Variants in FCRL4 observed in about 807,000 individuals in gnomAD.
FCRL4 encodes Fc receptor like 4.
Under a neutral mutation model 64.1 loss-of-function variants are expected in FCRL4, and 43 were observed. The observed-to-expected ratio is 0.67, with a 90% confidence interval of 0.53 to 0.87. The LOEUF (loss-of-function observed/expected upper bound fraction) is 0.87, where lower values mean the gene tolerates loss of function less well. Among genes scored for constraint, FCRL4 ranks in the 40% least tolerant of loss-of-function variants. The pLI, the probability that FCRL4 is intolerant of heterozygous loss-of-function variation, is 0.00. For synonymous variants in FCRL4, 253 were observed against 239.8 expected, an observed-to-expected ratio of 1.05 and a Z score of -0.51; for missense variants, 656 against 613.5, an observed-to-expected ratio of 1.07 and a Z score of -0.73.
intron 6 of FCRL4, among the ~76,000 whole-genome samples, chr1:157,585,850 A>G (rs1020295830): frequency 6.6e-6 from 1 of 152,172 alleles, no homozygotes; most frequent in Admixed American, 6.5e-5. Flanking sequence ...GTAGGGTGAC[A>G]GAGCTGTGCC....
Position 157,587,911 on chromosome 1 carries a change from G to A in FCRL4, c.516C>T (p.Asp172=), listed in dbSNP as rs2777962. The A allele has an allele frequency of 0.44, 701,865 of 1,605,306 alleles. 156,751 individuals carry two copies. Among genetic ancestry groups the A allele is most frequent in the East Asian group, 0.68 (30,609 of 44,754 alleles). The change falls in exon 4 of 12, where the codon GAC becomes GAT. Residue 172 remains aspartate (D), a synonymous_variant. Coordinates refer to ENST00000271532, the MANE Select transcript of FCRL4 (RefSeq NM_031282.3). The stretch of plus-strand genomic sequence containing the variant: ...AATTTGATCTAAATACATCATTCTC[G>A]TCTCCATATCCAATGCATCGATAAT... ...NGNYRCIGYG[D]ENDVFRSNFK...
At chr1:157,583,360 C>A (rs972228667) in intron 6 of FCRL4, among the ~76,000 whole-genome samples, 1 of 152,142 alleles carries the variant, frequency 6.6e-6, no homozygotes, top group Non-Finnish European at 1.5e-5. Context: ...AGCCCTACCC[C>A]AGACATCCTC....
At chr1:157,593,613 A>T (rs145803975) in intron 2 of FCRL4, among the ~76,000 whole-genome samples, 2,118 of 152,038 alleles carry the variant, frequency 0.014, 22 homozygotes, top group Admixed American at 0.023. Flanking sequence ...TTCCTTTCTG[A>T]CTTTGCAGCT....
rs1652357919 is a variant in FCRL4 at position 157,574,568 on chromosome 1, A to G, written c.*956T>C. The G allele has an allele frequency of 4.8e-6, 1 of 207,328 alleles. No homozygotes were observed. The highest frequency in any genetic ancestry group is 9.8e-6 in the Non-Finnish European group (1 of 101,768). 12.8% of individuals were successfully genotyped at this position (207,328 alleles called of 1,614,324 possible). A position where few individuals can be genotyped will look rare whatever the true frequency, so the allele number is the denominator to read the frequency against. On this transcript the variant is annotated 3_prime_UTR_variant, in exon 12 of 12. Transcript: ENST00000271532. The stretch of plus-strand genomic sequence containing the variant: ...TTATTGCAAGAATTATTCTCATATA[A>G]ACTAATTAGTAACTCAAAGACACAG...
chr1:157,578,675 C>T (rs1333200714), intron 9 of FCRL4, 95 bp downstream of exon 9: 5 of 1,428,366 alleles, frequency 3.5e-6, no homozygotes, highest in Non-Finnish European at 3.9e-6. Context: ...GGATTTGGGA[C>T]ACTTTAGGGA....
At chr1:157,578,740 A>G in intron 9 of FCRL4, 30 bp downstream of exon 9, 4 of 1,606,018 alleles carry the variant, frequency 2.5e-6, no homozygotes, top group South Asian at 2.2e-5. Flanking sequence ...GGCTGAGGCC[A>G]GGAACAGCTT....
chr1:157,589,782 A>C (rs758485185), intron 2 of FCRL4, among the ~76,000 whole-genome samples: 75 of 151,984 alleles, frequency 4.9e-4, no homozygotes, highest in Non-Finnish European at 9.7e-4. Context: ...TGGAAATTGC[A>C]TTTCTCCTAG....
chr1:157,580,717 C>T (rs2101676778), intron 7 of FCRL4, among the ~76,000 whole-genome samples: 1 of 152,284 alleles, frequency 6.6e-6, no homozygotes, highest in Non-Finnish European at 1.5e-5. Flanking sequence ...CTGACTCAGC[C>T]CCACTAAGGA....
chr1:157,582,091 A>G (rs553652337), intron 6 of FCRL4, among the ~76,000 whole-genome samples: 76 of 152,312 alleles, frequency 5.0e-4, no homozygotes, highest in African/African-American at 1.8e-3. Context: ...TTGGGACACC[A>G]CGATGAAATG....
chr1:157,576,332 C>A (rs1652414670), intron 10 of FCRL4, among the ~76,000 whole-genome samples: 1 of 152,166 alleles, frequency 6.6e-6, no homozygotes, highest in Non-Finnish European at 1.5e-5. Flanking sequence ...AACAGATACA[C>A]TCTGGGGCAC....
chr1:157,595,736 A>G (rs1652947182), intron 2 of FCRL4, among the ~76,000 whole-genome samples: 3 of 152,252 alleles, frequency 2.0e-5, no homozygotes, highest in African/African-American at 7.2e-5. Flanking sequence ...AAGGGGGCCA[A>G]GGCCCTTGCT....
At chr1:157,577,133 A>G (rs1354354144) in intron 10 of FCRL4, among the ~76,000 whole-genome samples, 2 of 152,198 alleles carry the variant, frequency 1.3e-5, no homozygotes, top group Non-Finnish European at 2.9e-5. Context: ...TGTCTTTAGA[A>G]AGATGGATCA....
chr1:157,579,699 AATACATACATACATAC>A (rs71084243), intron 8 of FCRL4, among the ~76,000 whole-genome samples: 10,490 of 123,572 alleles, frequency 0.085, 1,232 homozygotes, highest in African/African-American at 0.32. Context: ...CCTGGGTGAC[AATACATACATACATAC>A]ATACATACAT....
At position 157,585,344 on chromosome 1, in the gene FCRL4, C is replaced by CTCTCTT. The variant is rs1386601138; in HGVS notation, c.1135+823_1135+824insAAGAGA. Among the ~76,000 whole-genome samples, 226 of 81,286 alleles carry CTCTCTT rather than the reference C, an allele frequency of 2.8e-3. 1 individual carries two copies. The highest frequency in any genetic ancestry group is 7.0e-3 in the African/African-American group (159 of 22,754). 53.3% of individuals were successfully genotyped at this position (81,286 alleles called of 152,430 possible). A position where few individuals can be genotyped will look rare whatever the true frequency, so the allele number is the denominator to read the frequency against. On this transcript the variant is annotated intron_variant, in intron 6 of 11. Transcript: ENST00000271532. ...CTTCCTTCTCTCTTTCTTTCTCTCT[C>CTCTCTT]TCTTTCTTTCTTTCTTTCTTTCTTT... is the stretch of plus-strand genomic sequence containing the variant.
In FCRL4 at chr1:157,587,423, C is replaced by T. The variant is rs368741960; in HGVS notation, c.700G>A (p.Glu234Lys). 34 of 1,614,090 alleles carry T rather than the reference C, an allele frequency of 2.1e-5. No homozygotes were observed. The highest frequency in any genetic ancestry group is 1.6e-4 in the Middle Eastern group (1 of 6,084). Residue 234 changes from glutamate to lysine, a missense_variant, in exon 5 of 12, where the codon GAG (glutamate) becomes AAG (lysine). Coordinates refer to ENST00000271532, the MANE Select transcript of FCRL4 (RefSeq NM_031282.3). ...GTGCTCCAGTCTGACAGGATGACCT[C>T]GCCATCTCTGAAGAAGTTGAAGTGA... ...PLHFNFFRDG[E>K]VILSDWSTYP...
chr1:157,590,364 A>G (rs944464030), intron 2 of FCRL4, among the ~76,000 whole-genome samples: 2 of 152,174 alleles, frequency 1.3e-5, no homozygotes, highest in Non-Finnish European at 2.9e-5. Flanking sequence ...CAGTGCTTAA[A>G]AACTTTCAGA....
At chr1:157,596,978 C>G (rs1033808121) in intron 1 of FCRL4, among the ~76,000 whole-genome samples, 1 of 152,160 alleles carries the variant, frequency 6.6e-6, no homozygotes, top group African/African-American at 2.4e-5. Context: ...CATGGGGTGC[C>G]CTTAGAAAAG....
chr1:157,589,179 T>A, intron 3 of FCRL4, 25 bp downstream of exon 3: 1 of 1,606,880 alleles, frequency 6.2e-7, no homozygotes, highest in African/African-American at 1.3e-5. Context: ...TTATAAAGTT[T>A]CAACTAATTC....
chr1:157,592,831 C>T (rs1439450247), intron 2 of FCRL4, among the ~76,000 whole-genome samples: 1 of 152,148 alleles, frequency 6.6e-6, no homozygotes, highest in Non-Finnish European at 1.5e-5. Flanking sequence ...GATTTAGAAC[C>T]AACCAAAATG....
Sources: gnomAD v4.1 joint callset for allele counts (sites outside exome capture counted in the v4.1 genomes callset) on GRCh38, gnomAD v4.1.1 for gene constraint, MANE v1.5 for transcripts, NCBI Gene and HGNC (gene_info 2026-07-23, HGNC 2026-07-21) for gene names.